The following TFF2 variants were observed in gnomAD, a reference collection of about 807,000 sequenced individuals.
TFF2 encodes spasmolysin.
TFF2 carries 19 observed loss-of-function variants against 16.0 expected under a neutral mutation model. The ratio of observed to expected loss-of-function variants is 1.19; its 90% CI spans 0.83 to 1.74. TFF2 has a LOEUF of 1.74. Among genes scored for constraint, TFF2 ranks in the 40% most tolerant of loss-of-function variants. The probability of loss-of-function intolerance (pLI) is 0.00; values close to 1 mark genes in which losing one functional copy is unlikely to be tolerated. For missense variants in TFF2, 168 were observed against 166.8 expected (o/e 1.01, Z -0.04); for synonymous variants, 61 against 65.4 (o/e 0.93, Z 0.32).
intron 2 of TFF2, among the ~76,000 whole-genome samples, chr21:42,349,414 T>C (rs1399850456): frequency 7.6e-6 from 1 of 132,022 alleles, no homozygotes; most frequent in African/African-American, 2.8e-5. Flanking sequence ...CAACCTGGGC[T>C]ACTAGCCCCA....
At chr21:42,350,823 T>C (rs2052111194) in intron 1 of TFF2, 56 bp downstream of exon 1, 3 of 1,539,698 alleles carry the variant, frequency 1.9e-6, no homozygotes, top group Admixed American at 4.2e-5. Flanking sequence ...TGTGCTTTTT[T>C]TTTTTCTTTA....
At chr21:42,346,864 G>C (rs1464221230) in intron 3 of TFF2, among the ~76,000 whole-genome samples, 1 of 152,208 alleles carries the variant, frequency 6.6e-6, no homozygotes, top group African/African-American at 2.4e-5. Flanking sequence ...AAAAGGAAAA[G>C]AAAAGGCATC....
intron 2 of TFF2, among the ~76,000 whole-genome samples, chr21:42,348,275 A>G (rs1000395550): frequency 6.6e-6 from 1 of 152,156 alleles, no homozygotes; most frequent in African/African-American, 2.4e-5. Flanking sequence ...CCCGTGCACT[A>G]ACATAAAACT....
intron 2 of TFF2, among the ~76,000 whole-genome samples, chr21:42,348,579 A>G (rs2052087790): frequency 6.6e-6 from 1 of 152,130 alleles, no homozygotes. Context: ...CTCTAGACTA[A>G]CAGTCCAGGC....
chr21:42,349,976 G>A lies in TFF2; in HGVS notation c.134C>T (p.Pro45Leu), dbSNP rs2052103132. The stretch of plus-strand genomic sequence containing the variant: ...AAAACACTGGTCACTGGTGATTCCA[G>A]GGAAGCCGCAGTTCGTCCTGTTATG... ...SPHNRTNCGF[P>L]GITSDQCFDN... Residue 45 changes from proline (P) to leucine (L), a missense_variant, in exon 2 of 4, where the codon CCT (proline) becomes CTT (leucine). By Grantham distance (98) the Pro-to-Leu change is moderately conservative. Coordinates refer to ENST00000291526, the MANE Select transcript of TFF2 (RefSeq NM_005423.5). The A allele has an allele frequency of 6.3e-7, 1 of 1,599,902 alleles. No homozygotes were observed. The highest frequency in any genetic ancestry group is 8.5e-7 in the Non-Finnish European group (1 of 1,173,040).
intron 3 of TFF2, among the ~76,000 whole-genome samples, chr21:42,346,798 T>C (rs977637100): frequency 2.0e-5 from 3 of 152,168 alleles, no homozygotes; most frequent in Non-Finnish European, 4.4e-5. Flanking sequence ...AAAAAATCAC[T>C]CGGAAAATCC....
intron 2 of TFF2, among the ~76,000 whole-genome samples, chr21:42,347,909 CAGA>C (rs1338022515): frequency 6.6e-6 from 1 of 152,202 alleles, no homozygotes; most frequent in Non-Finnish European, 1.5e-5. Flanking sequence ...TGGTCACAGT[CAGA>C]AGCTCTGGAG....
chr21:42,346,664 CTCCTT>C, intron 3 of TFF2, 118 bp from the exon 4 acceptor site: 3 of 1,188,108 alleles, frequency 2.5e-6, no homozygotes, highest in Non-Finnish European at 3.5e-6. Flanking sequence ...GAAGAAGGAG[CTCCTT>C]TCCCGGGGAG....
At chr21:42,349,233 TGCTAGCCCTAGACTAACCAACTTGG>T (rs1208728411) in intron 2 of TFF2, among the ~76,000 whole-genome samples, 1 of 148,314 alleles carries the variant, frequency 6.7e-6, no homozygotes, top group Non-Finnish European at 1.5e-5. Flanking sequence ...AACCAGCCTA[TGCTAGCCCTAGACTAACCAACTTGG>T]GCTAGCTCCA....
intron 2 of TFF2, among the ~76,000 whole-genome samples, chr21:42,348,181 G>A (rs930846461): frequency 2.0e-5 from 3 of 152,000 alleles, no homozygotes; most frequent in African/African-American, 4.8e-5. Context: ...TCCAGAGGAC[G>A]TGCCTGGTTC....
At chr21:42,348,185 C>G (rs1366746767) in intron 2 of TFF2, among the ~76,000 whole-genome samples, 1 of 151,916 alleles carries the variant, frequency 6.6e-6, no homozygotes, top group Non-Finnish European at 1.5e-5. Flanking sequence ...GAGGACGTGC[C>G]TGGTTCCACG....
chr21:42,346,815 T>A (rs1221370578), intron 3 of TFF2, among the ~76,000 whole-genome samples: 2 of 152,192 alleles, frequency 1.3e-5, no homozygotes, highest in African/African-American at 4.8e-5. Flanking sequence ...ATCCTGAACA[T>A]GAAATATTTC....
Position 42,347,526 on chromosome 21 carries a change from G to C in TFF2, c.336C>G (p.Ile112Met), listed in dbSNP as rs759388075. Reference sequence around the variant, plus strand: ...GGAAGAAGCACCAGGGCACTTCAAAGATGAAGTTGGAGAAGCAGCACTTCC... The same window carrying C: ...GGAAGAAGCACCAGGGCACTTCAAACATGAAGTTGGAGAAGCAGCACTTCC... ...ASRKCCFSNF[I>M]FEVPWCFFPK... Residue 112 changes from isoleucine (I) to methionine (M), a missense_variant, in exon 3 of 4, where the codon ATC becomes ATG. Transcript: ENST00000291526. The C allele has an allele frequency of 2.5e-6, 4 of 1,614,226 alleles. No homozygotes were observed. In the Admixed American group the frequency reaches 6.7e-5, roughly 27 times the overall value.
chr21:42,350,882 G>T lies in TFF2; in HGVS notation c.76C>A (p.Pro26Thr). 1.2e-6 allele frequency: 2 copies of T among 1,612,348 alleles called. No individual in the cohort carries two copies. Among genetic ancestry groups the T allele is most frequent in the South Asian group, 1.1e-5 (1 of 90,808 alleles). The change falls in exon 1 of 4, where the codon CCC (proline) becomes ACC (threonine). Residue 26 changes from proline to threonine, a missense_variant. Physicochemically the swap from Pro to Thr is conservative, Grantham distance 38. Transcript: ENST00000291526. Reference protein sequence around the residue: ...GLCALAGSEKPSPCQCSRLSP... With the variant: ...GLCALAGSEKTSPCQCSRLSP... ...AAAGACCCTCTCCTTCACTTACAGGGTTTCTCACTCCCCGCCAGGGCACAT... is the reference window on the plus strand; with the variant it reads ...AAAGACCCTCTCCTTCACTTACAGGTTTTCTCACTCCCCGCCAGGGCACAT...
Position 42,350,015 on chromosome 21 carries a change from G to C in TFF2, c.95C>G (p.Ser32Cys), listed in dbSNP as rs1470622303. The change falls in exon 2 of 4, where the codon TCC (serine) becomes TGC (cysteine). Residue 32 changes from serine (S) to cysteine (C), a missense_variant. By Grantham distance (112) the Ser-to-Cys change is moderately radical. Transcript: ENST00000291526. ...CGTCCTGTTATGGGGGCTCAGCCTG[G>C]AGCACTGGCAGGGGGCTGTGGAAAG... ...GSEKPSPCQC[S>C]RLSPHNRTNC... 1 of 1,599,532 alleles carries C rather than the reference G, an allele frequency of 6.3e-7. No individual in the cohort carries two copies. The highest frequency in any genetic ancestry group is 2.3e-5 in the East Asian group (1 of 44,424).
Position 42,346,444 on chromosome 21 carries a change from T to A in TFF2, c.*89A>T, listed in dbSNP as rs757488480. ...AAGATGGTTAAGAAAACCCAGGATT[T>A]CATGAAGTATGAAGCTGATAAGGCG... On this transcript the variant is annotated 3_prime_UTR_variant, in exon 4 of 4. Coordinates refer to ENST00000291526, the MANE Select transcript of TFF2 (RefSeq NM_005423.5). The A allele has an allele frequency of 3.3e-5, 50 of 1,505,798 alleles. No homozygotes were observed. The highest frequency in any genetic ancestry group is 4.2e-5 in the Non-Finnish European group (46 of 1,088,318). The allele number at this position is 1,505,798 out of a possible 1,614,324, so 93.3% of individuals were successfully genotyped here.
At chr21:42,348,188 G>C (rs2146393284) in intron 2 of TFF2, among the ~76,000 whole-genome samples, 1 of 151,836 alleles carries the variant, frequency 6.6e-6, no homozygotes, top group Middle Eastern at 3.4e-3. Context: ...GACGTGCCTG[G>C]TTCCACGCAC....
Position 42,350,910 on chromosome 21 carries a change from C to T in TFF2, c.48G>A (p.Gly16=), listed in dbSNP as rs772743476. The change falls in exon 1 of 4, where the codon GGG becomes GGA. Residue 16 remains glycine, a synonymous_variant. Coordinates refer to ENST00000291526, the MANE Select transcript of TFF2 (RefSeq NM_005423.5). ...TCTCACTCCCCGCCAGGGCACATAGCCCCAGGACGAGGAGCGCTGCCAGGA... is the reference window on the plus strand; with the variant it reads ...TCTCACTCCCCGCCAGGGCACATAGTCCCAGGACGAGGAGCGCTGCCAGGA... The part of the protein sequence containing the change: ...AQLLAALLVL[G]LCALAGSEKP... 1.2e-6 allele frequency: 2 copies of T among 1,613,888 alleles called. No individual in the cohort carries two copies. Among genetic ancestry groups the T allele is most frequent in the Middle Eastern group, 1.7e-4 (1 of 5,996 alleles).
At position 42,349,889 on chromosome 21, in the gene TFF2, G is replaced by A; in HGVS notation, c.221C>T (p.Pro74Leu). The change falls in exon 2 of 4, where the codon CCA becomes CTA. Residue 74 changes from proline to leucine, a missense_variant. By Grantham distance (98) the Pro-to-Leu change is moderately conservative (BLOSUM62 -3). Transcript: ENST00000291526. Reference protein sequence around the residue: ...TGVPWCFHPLPKQESDQCVME... With the variant: ...TGVPWCFHPLLKQESDQCVME... ...ATTCCCTGGAAGATTACCTTGCTTT[G>A]GGAGGGGGTGGAAACACCAGGGGAC... The A allele has an allele frequency of 1.3e-6, 2 of 1,596,242 alleles. No individual in the cohort carries two copies. The highest frequency in any genetic ancestry group is 2.3e-5 in the South Asian group (2 of 88,014).
Sources: allele counts gnomAD v4.1 joint callset (sites outside exome capture counted in the v4.1 genomes callset), GRCh38; gene constraint gnomAD v4.1.1; transcripts MANE v1.5; gene names NCBI Gene and HGNC (gene_info 2026-07-23, HGNC 2026-07-21).